The following INPP4B variants were observed in gnomAD, a reference collection of about 807,000 sequenced individuals.
INPP4B encodes the protein inositol polyphosphate 4-phosphatase type II.
A neutral mutation model predicts 122.5 loss-of-function variants in INPP4B; 55 were observed. That is an observed-to-expected ratio of 0.45 (90% CI 0.36 to 0.56). The LOEUF is 0.56. INPP4B is among the 20% of genes least tolerant of loss of function. The pLI is 0.00. For missense variants in INPP4B, 1,000 were observed against 1,097.7 expected, an observed-to-expected ratio of 0.91 and a Z score of 1.26; for synonymous variants, 403 against 388.7, an observed-to-expected ratio of 1.04 and a Z score of -0.43.
At chr4:142,042,843 G>A (rs1417451792) in intron 25 of INPP4B, among the ~76,000 whole-genome samples, 1 of 152,102 alleles carries the variant, frequency 6.6e-6, no homozygotes, top group Non-Finnish European at 1.5e-5. Flanking sequence ...TTACAGGCAT[G>A]AGCCACCGCG....
At chr4:142,750,713 A>G (rs1769556250) in intron 1 of INPP4B, among the ~76,000 whole-genome samples, 1 of 152,110 alleles carries the variant, frequency 6.6e-6, no homozygotes, top group Non-Finnish European at 1.5e-5. Context: ...TCCAATTACA[A>G]GGGCCCCTTG....
intron 2 of INPP4B, among the ~76,000 whole-genome samples, chr4:142,702,125 A>G (rs1393635576): frequency 6.6e-6 from 1 of 151,814 alleles, no homozygotes. Context: ...AACCCCACAC[A>G]CAGACCCTGT....
chr4:142,826,975 T>C (rs1781532580), intron 1 of INPP4B, among the ~76,000 whole-genome samples: 1 of 152,206 alleles, frequency 6.6e-6, no homozygotes, highest in African/African-American at 2.4e-5. Context: ...TAGCCCCTAT[T>C]ATGCCAAAGT....
At chr4:142,636,129 C>T (rs1216362661) in intron 2 of INPP4B, among the ~76,000 whole-genome samples, 1 of 151,986 alleles carries the variant, frequency 6.6e-6, no homozygotes, top group Non-Finnish European at 1.5e-5. Context: ...TCCTTTCACT[C>T]AGCACCCATT....
At chr4:142,198,520 T>C (rs960068494) in intron 14 of INPP4B, among the ~76,000 whole-genome samples, 1 of 151,804 alleles carries the variant, frequency 6.6e-6, no homozygotes, top group Non-Finnish European at 1.5e-5. Context: ...CCCATGCTTT[T>C]TCCCTATTTT....
chr4:142,461,824 C>T (rs1361327627), intron 3 of INPP4B, among the ~76,000 whole-genome samples: 6 of 151,848 alleles, frequency 4.0e-5, no homozygotes, highest in African/African-American at 7.3e-5. Context: ...CACACACACA[C>T]GTTGGGGTAA....
rs192290423 is a variant in INPP4B, at chr4:142,244,491, G to A, written c.689-6480C>T. The stretch of plus-strand genomic sequence containing the variant: ...ATTATATTTTTGTATTTTTAGTAGA[G>A]GCAGGGTTTCACTGTGTTAGCCAGG... On this transcript the variant is annotated intron_variant, in intron 11 of 25. Transcript: ENST00000262992. Among the ~76,000 whole-genome samples, 71 of 151,774 alleles carry A rather than the reference G, an allele frequency of 4.7e-4. No individual in the cohort carries two copies. In the East Asian group the frequency reaches 0.01, roughly 22 times the overall value.
chr4:142,306,556 GT>G, intron 8 of INPP4B, among the ~76,000 whole-genome samples: 1 of 152,272 alleles, frequency 6.6e-6, no homozygotes, highest in African/African-American at 2.4e-5. Context: ...CTTTTTCGAG[GT>G]AAATAGGAAA....
chr4:142,288,819 C>T (rs1378885975), intron 9 of INPP4B, among the ~76,000 whole-genome samples: 2 of 152,000 alleles, frequency 1.3e-5, no homozygotes, highest in African/African-American at 2.4e-5. Context: ...TATTACCTGC[C>T]TTATGAGATA....
At chr4:142,835,555 G>T (rs544528929) in intron 1 of INPP4B, among the ~76,000 whole-genome samples, 50 of 152,210 alleles carry the variant, frequency 3.3e-4, no homozygotes, top group African/African-American at 1.1e-3. Context: ...AGAGTTTCAG[G>T]CTAGATATCC....
intron 23 of INPP4B, among the ~76,000 whole-genome samples, chr4:142,098,704 T>C (rs1037024984): frequency 6.6e-6 from 1 of 152,128 alleles, no homozygotes; most frequent in Non-Finnish European, 1.5e-5. Flanking sequence ...TTGAAATTAA[T>C]ATAAACGTAG....
intron 2 of INPP4B, among the ~76,000 whole-genome samples, chr4:142,526,072 A>C (rs1826872259): frequency 6.6e-6 from 1 of 152,084 alleles, no homozygotes. Context: ...CTTTATCAAT[A>C]ATAAATGAAA....
chr4:142,771,680 T>C (rs1773092188), intron 1 of INPP4B, among the ~76,000 whole-genome samples: 1 of 152,132 alleles, frequency 6.6e-6, no homozygotes, highest in African/African-American at 2.4e-5. Flanking sequence ...TAAATGGTTG[T>C]ACCTGAAAAC....
intron 2 of INPP4B, among the ~76,000 whole-genome samples, chr4:142,617,437 T>G (rs1743956398): frequency 6.6e-6 from 1 of 152,086 alleles, no homozygotes; most frequent in Admixed American, 6.6e-5. Flanking sequence ...CAGCAACCAT[T>G]GCTTGCTGCT....
At chr4:142,288,388 T>C (rs182385390) in intron 9 of INPP4B, among the ~76,000 whole-genome samples, 1 of 152,226 alleles carries the variant, frequency 6.6e-6, no homozygotes, top group East Asian at 1.9e-4. Flanking sequence ...ATAGAGACCA[T>C]CCTGGTTAAC....
intron 2 of INPP4B, among the ~76,000 whole-genome samples, chr4:142,647,998 C>T (rs1453037689): frequency 2.6e-5 from 4 of 152,322 alleles, no homozygotes; most frequent in East Asian, 1.9e-4. Context: ...CCATTCAATC[C>T]GAGTTCAACT....
intron 2 of INPP4B, among the ~76,000 whole-genome samples, chr4:142,573,675 T>C (rs1733298249): frequency 6.6e-6 from 1 of 152,100 alleles, no homozygotes; most frequent in Non-Finnish European, 1.5e-5. Flanking sequence ...TGCAGTTGCG[T>C]GGTGGGAAAT....
At chr4:142,312,653 A>C (rs1765953323) in intron 8 of INPP4B, among the ~76,000 whole-genome samples, 1 of 152,194 alleles carries the variant, frequency 6.6e-6, no homozygotes, top group African/African-American at 2.4e-5. Context: ...GTATTTGGAC[A>C]GCACAGAAAG....
At chr4:142,057,409 G>A (rs867297877) in intron 25 of INPP4B, among the ~76,000 whole-genome samples, 87 of 152,102 alleles carry the variant, frequency 5.7e-4, no homozygotes, top group African/African-American at 1.9e-3. Flanking sequence ...GATGGAATGC[G>A]AGAATAAAGC....
Sources: allele counts gnomAD v4.1 joint callset (sites outside exome capture counted in the v4.1 genomes callset), GRCh38; gene constraint gnomAD v4.1.1; transcripts MANE v1.5; gene names NCBI Gene and HGNC (gene_info 2026-07-23, HGNC 2026-07-21).